AFG2A: variants seen among roughly 807,000 people sequenced by gnomAD.
AFG2A encodes the protein ATPase family gene 2 protein homolog A.
the AFG2A span, among the ~76,000 whole-genome samples, chr4:123,239,598 T>C: frequency 6.6e-6 from 1 of 152,114 alleles, no homozygotes; most frequent in African/African-American, 2.4e-5. Context: ...AAGTGAAGGA[T>C]AAATAAAATC....
At chr4:123,180,978 C>CTTTTTTTTT in the AFG2A span, among the ~76,000 whole-genome samples, 1 of 118,364 alleles carries the variant, frequency 8.4e-6, no homozygotes, top group Admixed American at 9.9e-5. Flanking sequence ...TCCTCCCCCT[C>CTTTTTTTTT]TTTTTTTTTT....
At chr4:122,935,983 T>C in the AFG2A span, 1 of 1,305,120 alleles carries the variant, frequency 7.7e-7, no homozygotes, top group Non-Finnish European at 1.0e-6. Flanking sequence ...GTTTGGAAAA[T>C]TCTTTTTGAA....
the AFG2A span, among the ~76,000 whole-genome samples, chr4:123,055,823 G>T: frequency 6.6e-6 from 1 of 152,096 alleles, no homozygotes; most frequent in African/African-American, 2.4e-5. Context: ...CCACAACTGA[G>T]GTCATCTATC....
the AFG2A span, among the ~76,000 whole-genome samples, chr4:123,225,450 C>A: frequency 1.3e-5 from 2 of 152,126 alleles, no homozygotes; most frequent in South Asian, 4.1e-4. Context: ...TTTCCCAGCA[C>A]CATTTATTAA....
At chr4:123,077,685 A>T in the AFG2A span, among the ~76,000 whole-genome samples, 1 of 152,182 alleles carries the variant, frequency 6.6e-6, no homozygotes, top group Admixed American at 6.5e-5. Context: ...CAGATCTTTT[A>T]TCTTGGGCAG....
chr4:122,927,868 T>A, the AFG2A span: 1 of 1,406,866 alleles, frequency 7.1e-7, no homozygotes, highest in Non-Finnish European at 9.6e-7. Context: ...AAGGAAATGC[T>A]CATTGGAACA....
the AFG2A span, among the ~76,000 whole-genome samples, chr4:123,015,152 A>G: frequency 6.7e-6 from 1 of 149,056 alleles, no homozygotes; most frequent in African/African-American, 2.5e-5. Flanking sequence ...AGAGTCCTCG[A>G]GTGATTTTTG....
At chr4:123,057,179 C>G in the AFG2A span, 2 of 1,611,932 alleles carry the variant, frequency 1.2e-6, no homozygotes, top group Non-Finnish European at 1.7e-6. Flanking sequence ...GTTTGCTCAT[C>G]TTTAGCTAAT....
the AFG2A span, among the ~76,000 whole-genome samples, chr4:123,304,923 C>T: frequency 3.3e-5 from 5 of 152,314 alleles, no homozygotes; most frequent in Non-Finnish European, 5.9e-5. Context: ...CACTCACTCA[C>T]ACAAGAAATT....
At chr4:123,005,687 T>G in the AFG2A span, among the ~76,000 whole-genome samples, 1 of 152,248 alleles carries the variant, frequency 6.6e-6, no homozygotes, top group African/African-American at 2.4e-5. Flanking sequence ...ATAGTGTATT[T>G]TCATTTCCAT....
chr4:123,234,345 C>T, the AFG2A span, among the ~76,000 whole-genome samples: 1 of 152,186 alleles, frequency 6.6e-6, no homozygotes, highest in African/African-American at 2.4e-5. Context: ...TTTTATTTCC[C>T]TTTTTGTAAA....
At chr4:123,200,422 C>T in the AFG2A span, among the ~76,000 whole-genome samples, 4 of 152,160 alleles carry the variant, frequency 2.6e-5, no homozygotes, top group African/African-American at 9.7e-5. Flanking sequence ...GCAATTTATG[C>T]TACTTATTAA....
the AFG2A span, among the ~76,000 whole-genome samples, chr4:123,264,699 A>G: frequency 6.6e-6 from 1 of 152,194 alleles, no homozygotes; most frequent in Non-Finnish European, 1.5e-5. Flanking sequence ...TCTACATGCT[A>G]AGTGAAGAAA....
At chr4:123,013,563 A>G in the AFG2A span, among the ~76,000 whole-genome samples, 1 of 152,194 alleles carries the variant, frequency 6.6e-6, no homozygotes, top group African/African-American at 2.4e-5. Flanking sequence ...ACATGGACAC[A>G]GGGAGGGAAA....
At chr4:123,290,789 A>T in the AFG2A span, among the ~76,000 whole-genome samples, 31 of 152,254 alleles carry the variant, frequency 2.0e-4, no homozygotes, top group African/African-American at 7.5e-4. Flanking sequence ...ATCACCTCCC[A>T]CCGGGTTCCT....
At chr4:123,078,742 G>A in the AFG2A span, among the ~76,000 whole-genome samples, 1 of 152,112 alleles carries the variant, frequency 6.6e-6, no homozygotes, top group Non-Finnish European at 1.5e-5. Flanking sequence ...GATTGACTCA[G>A]TGGGTTTGAT....
chr4:123,126,109 A>G, the AFG2A span, among the ~76,000 whole-genome samples: 2 of 152,006 alleles, frequency 1.3e-5, no homozygotes, highest in African/African-American at 2.4e-5. Flanking sequence ...CCATTATAGT[A>G]TTTTCTGTTT....
At chr4:123,313,756 T>C in the AFG2A span, 1 of 774,064 alleles carries the variant, frequency 1.3e-6, no homozygotes, top group Non-Finnish European at 1.9e-6. Context: ...GGACTAATTC[T>C]TGCAGATAAA....
At chr4:123,311,920 T>A in the AFG2A span, among the ~76,000 whole-genome samples, 4 of 152,198 alleles carry the variant, frequency 2.6e-5, no homozygotes, top group Admixed American at 2.0e-4. Context: ...TCCTCGGATG[T>A]GCCAGCGGGG....
Sources: allele counts gnomAD v4.1 joint callset (sites outside exome capture counted in the v4.1 genomes callset), GRCh38; gene constraint gnomAD v4.1.1; transcripts MANE v1.5; gene names NCBI Gene and HGNC (gene_info 2026-07-23, HGNC 2026-07-21).